Variants in AIG1 observed in about 807,000 individuals in gnomAD.
AIG1 encodes androgen-induced gene 1 protein.
AIG1 carries 23 observed loss-of-function variants against 31.4 expected under a neutral mutation model. The observed-to-expected ratio is 0.73, with a 90% confidence interval of 0.53 to 1.04. The LOEUF (loss-of-function observed/expected upper bound fraction) is 1.04, where lower values mean the gene tolerates loss of function less well. AIG1 is among the 50% of genes least tolerant of loss of function. The pLI, the probability that AIG1 is intolerant of heterozygous loss-of-function variation, is 0.00. For missense variants in AIG1, 274 were observed against 295.0 expected, an observed-to-expected ratio of 0.93 and a Z score of 0.52; for synonymous variants, 100 against 110.5, an observed-to-expected ratio of 0.90 and a Z score of 0.60.
intron 1 of AIG1, among the ~76,000 whole-genome samples, chr6:143,085,564 C>T (rs1341790455): frequency 6.6e-6 from 1 of 152,132 alleles, no homozygotes; most frequent in Non-Finnish European, 1.5e-5. Context: ...CCCAGCTGCT[C>T]CATCAAGATG....
chr6:143,194,041 T>G (rs188415200), intron 3 of AIG1, among the ~76,000 whole-genome samples: 3 of 152,292 alleles, frequency 2.0e-5, no homozygotes, highest in Admixed American at 2.0e-4. Flanking sequence ...CTGGAGAAAG[T>G]CACAAATGAT....
chr6:143,149,483 C>T (rs368669449), intron 2 of AIG1, among the ~76,000 whole-genome samples: 377 of 144,044 alleles, frequency 2.6e-3, no homozygotes, highest in Non-Finnish European at 4.1e-3. Context: ...GCCGAGATCG[C>T]GCCACTGCAC....
Position 143,211,884 on chromosome 6 carries a change from C to A in AIG1, c.399+46701C>A, listed in dbSNP as rs192307814. ...CTCCTGTGTGGGCAACAGAGCGAGACCCTGTCTCAAAAAAAAAAAAAAATT... is the reference window on the plus strand; with the variant it reads ...CTCCTGTGTGGGCAACAGAGCGAGAACCTGTCTCAAAAAAAAAAAAAAATT... On this transcript the variant is annotated intron_variant, in intron 3 of 5. Transcript: ENST00000357847. 1.1e-3 allele frequency among the ~76,000 whole-genome samples: 167 copies of A among 151,210 alleles called. 1 individual carries two copies. The highest frequency in any genetic ancestry group is 3.8e-3 in the African/African-American group (157 of 41,174).
Position 143,279,472 on chromosome 6 carries a change from C to G in AIG1, c.400-4638C>G, listed in dbSNP as rs1797188894. Among the ~76,000 whole-genome samples the G allele has an allele frequency of 6.6e-6, 1 of 152,248 alleles. No homozygotes were observed. The highest frequency in any genetic ancestry group is 6.5e-5 in the Admixed American group (1 of 15,292). Reference sequence around the variant, plus strand: ...ACTGCTGTCTTCCTTTGAGCCTCTTCTGCAAAAGCCCTTTTTCTTGTCCCA... The same window carrying G: ...ACTGCTGTCTTCCTTTGAGCCTCTTGTGCAAAAGCCCTTTTTCTTGTCCCA... On this transcript the variant is annotated intron_variant, in intron 3 of 5. Coordinates refer to ENST00000357847, the MANE Select transcript of AIG1 (RefSeq NM_016108.4). The surrounding 1 kb of genome is among the most constrained non-coding windows in gnomAD (Gnocchi z 5.4).
chr6:143,189,612 T>C, intron 3 of AIG1: 2 of 985,438 alleles, frequency 2.0e-6, no homozygotes, highest in Non-Finnish European at 2.4e-6. Flanking sequence ...TTTCATTGTT[T>C]TACCCTACTA....
At chr6:143,088,530 C>T (rs1030639193) in intron 1 of AIG1, among the ~76,000 whole-genome samples, 10 of 152,126 alleles carry the variant, frequency 6.6e-5, no homozygotes, top group Admixed American at 3.3e-4. Context: ...TAGCACGAAA[C>T]GTGTAGGTTA....
At position 143,307,911 on chromosome 6, in the gene AIG1, C is replaced by G. The variant is rs539346867; in HGVS notation, c.515+23686C>G. Reference sequence around the variant, plus strand: ...TTACCTAAGCAAGCCTGGGCAATGGCGGGCGCCCCTCCCCCAGCCTCGCTG... The same window carrying G: ...TTACCTAAGCAAGCCTGGGCAATGGGGGGCGCCCCTCCCCCAGCCTCGCTG... On this transcript the variant is annotated intron_variant, in intron 4 of 5. Transcript: ENST00000357847. Among the ~76,000 whole-genome samples the G allele has an allele frequency of 2.0e-5, 3 of 152,222 alleles. No individual in the cohort carries two copies. In the South Asian group the frequency reaches 6.2e-4, roughly 31 times the overall value.
At chr6:143,342,121 T>C, downstream of AIG1, 1 of 461,006 alleles carries the variant, frequency 2.2e-6, no homozygotes, top group Non-Finnish European at 3.9e-6. Flanking sequence ...GACGGGTTTC[T>C]CCATGTTGGT....
intron 1 of AIG1, among the ~76,000 whole-genome samples, chr6:143,084,661 A>G (rs2128471224): frequency 6.6e-6 from 1 of 152,294 alleles, no homozygotes; most frequent in Non-Finnish European, 1.5e-5. Flanking sequence ...TTGGCCTTCA[A>G]TAGAGTCGGG....
intron 3 of AIG1, among the ~76,000 whole-genome samples, chr6:143,248,029 G>A (rs1583618776): frequency 1.3e-5 from 2 of 152,286 alleles, no homozygotes; most frequent in East Asian, 3.9e-4. Context: ...CTGGCAAACT[G>A]AGCCATGCTG....
At chr6:143,251,368 G>A (rs1306304315) in intron 3 of AIG1, among the ~76,000 whole-genome samples, 1 of 152,132 alleles carries the variant, frequency 6.6e-6, no homozygotes, top group African/African-American at 2.4e-5. Context: ...TGTTTTAAAT[G>A]ACCCAAGCTG....
At chr6:143,295,223 T>C (rs1039825465) in intron 4 of AIG1, among the ~76,000 whole-genome samples, 1 of 152,208 alleles carries the variant, frequency 6.6e-6, no homozygotes, top group African/African-American at 2.4e-5. Flanking sequence ...GTAGAATCTT[T>C]ATGCTTTGCT....
At chr6:143,190,347 A>G (rs756996585) in intron 3 of AIG1, 1 of 985,458 alleles carries the variant, frequency 1.0e-6, no homozygotes, top group South Asian at 4.7e-5. Flanking sequence ...GAGGCTCCTC[A>G]TGCCCTTGCT....
At chr6:143,228,591 A>G (rs1793199194) in intron 3 of AIG1, among the ~76,000 whole-genome samples, 1 of 152,188 alleles carries the variant, frequency 6.6e-6, no homozygotes, top group African/African-American at 2.4e-5. Flanking sequence ...AGGAGCAGGA[A>G]AGAGGATTTG....
chr6:143,241,091 G>GAA (rs199598240), intron 3 of AIG1, among the ~76,000 whole-genome samples: 2 of 146,658 alleles, frequency 1.4e-5, no homozygotes, highest in Admixed American at 1.4e-4. Context: ...AAAGTGGTCT[G>GAA]AAAAAAAAAA....
intron 3 of AIG1, among the ~76,000 whole-genome samples, chr6:143,206,086 G>C (rs1179554801): frequency 6.6e-6 from 1 of 152,100 alleles, no homozygotes; most frequent in African/African-American, 2.4e-5. Flanking sequence ...GTTTCCACTT[G>C]CTCCAGTGCT....
chr6:143,315,021 T>C (rs938606287), intron 4 of AIG1, among the ~76,000 whole-genome samples: 1 of 152,152 alleles, frequency 6.6e-6, no homozygotes, highest in Non-Finnish European at 1.5e-5. Flanking sequence ...CATGTAGGAA[T>C]GCTACATTTT....
At chr6:143,218,484 G>A (rs1032536649) in intron 3 of AIG1, among the ~76,000 whole-genome samples, 15 of 152,182 alleles carry the variant, frequency 9.9e-5, no homozygotes, top group African/African-American at 2.2e-4. Flanking sequence ...TAGGAAATTC[G>A]TTGCTATTTA....
rs963019062 is a variant in AIG1 at position 143,136,776 on chromosome 6, G to A, written c.142-59G>A. On this transcript the variant is annotated intron_variant, in intron 1 of 5. Coordinates refer to ENST00000357847, the MANE Select transcript of AIG1 (RefSeq NM_016108.4). ...GTTGTACACCAGCAGCTCATTTGCT[G>A]TTCCACAGCTTGGGTCTCCAGATCT... 24 of 1,302,994 alleles carry A rather than the reference G, an allele frequency of 1.8e-5. No individual in the cohort carries two copies. The African/African-American group carries it at 3.2e-4, about 17-fold the overall frequency. 80.7% of individuals were successfully genotyped at this position (1,302,994 alleles called of 1,614,324 possible). A position where few individuals can be genotyped will look rare whatever the true frequency, so the allele number is the denominator to read the frequency against.
Sources: allele counts gnomAD v4.1 joint callset (sites outside exome capture counted in the v4.1 genomes callset), GRCh38; gene constraint gnomAD v4.1.1; non-coding constraint Gnocchi (gnomAD v3.1); transcripts MANE v1.5; gene names NCBI Gene and HGNC (gene_info 2026-07-23, HGNC 2026-07-21).